KIF5C: variants seen among roughly 807,000 people sequenced by gnomAD.
KIF5C encodes the protein kinesin heavy chain isoform 5C.
A neutral mutation model predicts 125.2 loss-of-function variants in KIF5C; 18 were observed. That is an observed-to-expected ratio of 0.14 (90% CI 0.10 to 0.21). The LOEUF is 0.21. Ranked by LOEUF, KIF5C falls within the 10% of genes least tolerant of loss-of-function variation. KIF5C has a pLI of 1.00. For synonymous variants in KIF5C, 405 were observed against 434.0 expected (o/e 0.93, Z 0.83); for missense variants, 780 against 1,183.8 (o/e 0.66, Z 5.01).
chr2:149,006,450 T>C (rs996573928), intron 22 of KIF5C, among the ~76,000 whole-genome samples: 1 of 152,160 alleles, frequency 6.6e-6, no homozygotes, highest in South Asian at 2.1e-4. Context: ...GACTTGGGTC[T>C]TCTTGGTTTA....
chr2:148,983,734 G>C lies in KIF5C; in HGVS notation c.1684G>C (p.Gly562Arg). ...NLLLKDLGEIGGIIGTNDVKT... is the reference protein window; with the variant it reads ...NLLLKDLGEIRGIIGTNDVKT... ...GCTGTTGAAAGATCTGGGGGAGATA[G>C]GTGGAATTATTGGCACCAATGATGT... Residue 562 changes from glycine (G) to arginine (R), a missense_variant, in exon 15 of 26, where the codon GGT becomes CGT. By Grantham distance (125) the Gly-to-Arg change is moderately radical. Coordinates refer to ENST00000435030, the MANE Select transcript of KIF5C (RefSeq NM_004522.3). 1 of 1,610,250 alleles carries C rather than the reference G, an allele frequency of 6.2e-7. No homozygotes were observed. The highest frequency in any genetic ancestry group is 1.3e-5 in the African/African-American group (1 of 74,904).
chr2:148,999,421 T>A (rs1431054848), intron 19 of KIF5C, among the ~76,000 whole-genome samples: 2 of 152,220 alleles, frequency 1.3e-5, no homozygotes, highest in Non-Finnish European at 2.9e-5. Context: ...AAGTCCCTTT[T>A]CAATGTGTGT....
chr2:148,884,848 C>T (rs1438563395), intron 1 of KIF5C, among the ~76,000 whole-genome samples: 1 of 152,170 alleles, frequency 6.6e-6, no homozygotes, highest in Non-Finnish European at 1.5e-5. Context: ...ACAAGAGGAG[C>T]CTTTTGCCAT....
chr2:148,947,290 T>C (rs1406422364), intron 8 of KIF5C: 2 of 401,726 alleles, frequency 5.0e-6, no homozygotes, highest in Non-Finnish European at 8.7e-6. Context: ...GAGGCAACAG[T>C]TGGTTTGACT....
intron 1 of KIF5C, chr2:148,878,012 A>G (rs904148923): frequency 6.6e-6 from 1 of 152,224 alleles, no homozygotes; most frequent in Non-Finnish European, 1.5e-5. Flanking sequence ...TTGCTTTTCA[A>G]CCGTAAAGTA....
chr2:148,947,154 G>A, intron 8 of KIF5C, 131 bp downstream of exon 8: 2 of 1,359,060 alleles, frequency 1.5e-6, no homozygotes, highest in East Asian at 2.5e-5. Flanking sequence ...GCTCTGCCAA[G>A]GTGTTATTAC....
In KIF5C at chr2:148,887,454, A is replaced by G. The variant is rs541027186; in HGVS notation, c.126+11711A>G. On this transcript the variant is annotated intron_variant, in intron 1 of 25. Coordinates refer to ENST00000435030, the MANE Select transcript of KIF5C (RefSeq NM_004522.3). ...CAGTCCTAAGCATCATGGATTTACT[A>G]TGATAAGACAAGATCCCCGCTATCA... Among the ~76,000 whole-genome samples, 14 of 152,142 alleles carry G rather than the reference A, an allele frequency of 9.2e-5. No homozygotes were observed. In the South Asian group the frequency reaches 2.9e-3, roughly 32 times the overall value.
At chr2:148,962,603 T>A (rs1459389669) in intron 11 of KIF5C, among the ~76,000 whole-genome samples, 4 of 152,148 alleles carry the variant, frequency 2.6e-5, no homozygotes, top group African/African-American at 9.7e-5. Flanking sequence ...GTTTTCTTAG[T>A]CCCTAACACA....
intron 1 of KIF5C, among the ~76,000 whole-genome samples, chr2:148,903,802 G>C (rs1680995654): frequency 6.6e-6 from 1 of 152,156 alleles, no homozygotes. Context: ...AATTTAACCT[G>C]TTTAACCAGT....
intron 7 of KIF5C, among the ~76,000 whole-genome samples, chr2:148,945,300 A>C (rs1682496175): frequency 6.6e-6 from 1 of 152,024 alleles, no homozygotes; most frequent in African/African-American, 2.4e-5. Context: ...TTTTGGAGTA[A>C]ATTTTTGCAT....
rs186556506 is a variant in KIF5C at position 148,968,666 on chromosome 2, C to T, written c.1118-4670C>T. The stretch of plus-strand genomic sequence containing the variant: ...CCAGGTGACCAGTTTATTAGAAAAT[C>T]GCTCTAGAAGGGATTAGAGGATGTT... On this transcript the variant is annotated intron_variant, in intron 11 of 25. Transcript: ENST00000435030. Among the ~76,000 whole-genome samples the T allele has an allele frequency of 1.7e-3, 261 of 152,088 alleles. 1 individual carries two copies. The highest frequency in any genetic ancestry group is 2.3e-3 in the Non-Finnish European group (157 of 68,010).
intron 1 of KIF5C, among the ~76,000 whole-genome samples, chr2:148,915,196 C>T (rs1163363853): frequency 2.0e-5 from 3 of 152,134 alleles, no homozygotes; most frequent in Non-Finnish European, 4.4e-5. Context: ...TTCTGACACA[C>T]TGGAGAAATA....
chr2:148,929,378 G>A, intron 3 of KIF5C, 24 bp downstream of exon 3: 1 of 1,450,524 alleles, frequency 6.9e-7, no homozygotes, highest in African/African-American at 1.4e-5. Flanking sequence ...GTGCTCTAAT[G>A]CGAATCTCTG....
chr2:148,952,233 A>G (rs2105116387), intron 10 of KIF5C, among the ~76,000 whole-genome samples: 1 of 152,294 alleles, frequency 6.6e-6, no homozygotes, highest in African/African-American at 2.4e-5. Flanking sequence ...TGAGCAAACC[A>G]GCTCTAAGTG....
intron 15 of KIF5C, among the ~76,000 whole-genome samples, chr2:148,985,551 C>G (rs79639924): frequency 0.024 from 3,670 of 152,240 alleles, 135 homozygotes; most frequent in African/African-American, 0.077. Context: ...GCATCTTATA[C>G]AAAGGAGTCA....
At chr2:149,005,179 G>A (rs1293726968) in intron 21 of KIF5C, among the ~76,000 whole-genome samples, 3 of 152,124 alleles carry the variant, frequency 2.0e-5, no homozygotes, top group African/African-American at 7.2e-5. Context: ...TACAATTTGT[G>A]GTCTGGGTTC....
At position 148,924,572 on chromosome 2, in the gene KIF5C, T is replaced by A. The variant is rs1168971798; in HGVS notation, c.217+2345T>A. ...TTTGTCTGGTGTTTGTTTTTCAAAA[T>A]TTTGCTTGAAAAAGCATGTAGAATT... On this transcript the variant is annotated intron_variant, in intron 2 of 25. Transcript: ENST00000435030. This position sits in a 1 kb window ranked among gnomAD's most constrained non-coding sequence, Gnocchi z 4.0. Among the ~76,000 whole-genome samples the A allele has an allele frequency of 2.6e-5, 4 of 152,226 alleles. No homozygotes were observed. Among genetic ancestry groups the A allele is most frequent in the African/African-American group, 9.6e-5 (4 of 41,452 alleles).
intron 3 of KIF5C, 78 bp downstream of exon 3, chr2:148,929,432 C>A: frequency 2.3e-6 from 2 of 887,532 alleles, no homozygotes; most frequent in Non-Finnish European, 3.5e-6. Context: ...ACTTGAGGTG[C>A]ATGTGGCTTT....
chr2:148,890,294 C>T lies in KIF5C; in HGVS notation c.126+14551C>T, dbSNP rs148055490. Among the ~76,000 whole-genome samples, 1,025 of 152,260 alleles carry T rather than the reference C, an allele frequency of 6.7e-3. 4 individuals carry two copies. Among genetic ancestry groups the T allele is most frequent in the Non-Finnish European group, 0.012 (783 of 68,020 alleles). On this transcript the variant is annotated intron_variant, in intron 1 of 25. Coordinates refer to ENST00000435030, the MANE Select transcript of KIF5C (RefSeq NM_004522.3). Reference sequence around the variant, plus strand: ...GGGGAGAAAAGGTATTCAAGATGATCACTGTTCCAGCCTGGGAAAGATAGC... The same window carrying T: ...GGGGAGAAAAGGTATTCAAGATGATTACTGTTCCAGCCTGGGAAAGATAGC...
Sources: gnomAD v4.1 joint callset for allele counts (sites outside exome capture counted in the v4.1 genomes callset) on GRCh38, gnomAD v4.1.1 for gene constraint, Gnocchi (gnomAD v3.1) non-coding constraint, MANE v1.5 for transcripts, NCBI Gene and HGNC (gene_info 2026-07-23, HGNC 2026-07-21) for gene names.